KDM2B: variants seen among roughly 807,000 people sequenced by gnomAD.
KDM2B encodes the protein lysine-specific demethylase 2B.
In KDM2B, 26 loss-of-function variants were observed where a neutral mutation model predicts 150.0. That is an observed-to-expected ratio of 0.17 (90% CI 0.13 to 0.24). The LOEUF is 0.24. KDM2B is among the 10% of genes least tolerant of loss of function. The pLI, the probability that KDM2B is intolerant of heterozygous loss-of-function variation, is 1.00. For synonymous variants in KDM2B, 734 were observed against 729.5 expected, an observed-to-expected ratio of 1.01 and a Z score of -0.10; for missense variants, 1,265 against 1,816.9, an observed-to-expected ratio of 0.70 and a Z score of 5.52.
chr12:121,451,115 C>A (rs1277460548), intron 13 of KDM2B, among the ~76,000 whole-genome samples: 5 of 152,018 alleles, frequency 3.3e-5, no homozygotes, highest in African/African-American at 1.2e-4. Flanking sequence ...CTGCCCCCCC[C>A]TTCTACCTCC....
At position 121,442,608 on chromosome 12, in the gene KDM2B, C is replaced by G. The variant is rs1231794304; in HGVS notation, c.2833G>C (p.Glu945Gln). 6.2e-7 allele frequency: 1 copy of G among 1,602,550 alleles called. No homozygotes were observed. The highest frequency in any genetic ancestry group is 8.5e-7 in the Non-Finnish European group (1 of 1,179,548). ...TCCTTGCTCAGCTCCCTGCTCAGCTCCTTGTTGGGAAGCCGCCGCTTCCGG... is the reference window on the plus strand; with the variant it reads ...TCCTTGCTCAGCTCCCTGCTCAGCTGCTTGTTGGGAAGCCGCCGCTTCCGG... ...MRRKRRLPNK[E>Q]LSRELSKELN... The change falls in exon 19 of 23, where the codon GAG (glutamate) becomes CAG (glutamine). Residue 945 changes from glutamate (E) to glutamine (Q), a missense_variant. This residue lies in a region of KDM2B where 418 missense variants were observed against 402.4 expected (regional missense o/e 1.04). Transcript: ENST00000377071. The surrounding 1 kb of genome is among the most constrained non-coding windows in gnomAD (Gnocchi z 7.7).
rs1555295024 is a variant in KDM2B, at chr12:121,467,239, C to A, written c.1735-13895G>T. ...CTCATGGTGGGCCCAGGCTCGCGCG[C>A]GCTGACATGGCTGGAGCGGCGCCGC... On this transcript the variant is annotated intron_variant, in intron 12 of 22. Coordinates refer to ENST00000377071, the MANE Select transcript of KDM2B (RefSeq NM_032590.5). The surrounding 1 kb of genome is among the most constrained non-coding windows in gnomAD (Gnocchi z 5.1). 1 of 1,016,572 alleles carries A rather than the reference C, an allele frequency of 9.8e-7. No homozygotes were observed. The allele number at this position is 1,016,572 out of a possible 1,614,324, so 63.0% of individuals were successfully genotyped here.
intron 6 of KDM2B, among the ~76,000 whole-genome samples, chr12:121,544,213 G>T (rs562760934): frequency 6.6e-6 from 1 of 151,978 alleles, no homozygotes; most frequent in African/African-American, 2.4e-5. Flanking sequence ...GAGGTAGGAG[G>T]AGTCCTGGGA....
chr12:121,537,943 T>A lies in KDM2B; in HGVS notation c.684-3353A>T, dbSNP rs1566392208. On this transcript the variant is annotated intron_variant, in intron 6 of 22. Transcript: ENST00000377071. The surrounding 1 kb of genome is among the most constrained non-coding windows in gnomAD (Gnocchi z 8.7). ...CGGCGGCGGCGGCGGCTCCCGTGCG[T>A]CCCCTTCGGCTCCCGGGCGTCCCCT... Among the ~76,000 whole-genome samples the A allele has an allele frequency of 1.3e-5, 2 of 149,862 alleles. No homozygotes were observed.
In KDM2B at chr12:121,575,680, A is replaced by G; in HGVS notation, c.350+101T>C. On this transcript the variant is annotated intron_variant, in intron 3 of 22. Coordinates refer to ENST00000377071, the MANE Select transcript of KDM2B (RefSeq NM_032590.5). The surrounding 1 kb of genome is among the most constrained non-coding windows in gnomAD (Gnocchi z 4.4). ...CAGATCGTGAAAAAAGATCCTTCTC[A>G]GTGATGAGAGGTGGGAAGAGGGTGG... The G allele has an allele frequency of 1.5e-5, 13 of 847,622 alleles. No homozygotes were observed. The highest frequency in any genetic ancestry group is 2.4e-5 in the Non-Finnish European group (12 of 492,658). The allele number at this position is 847,622 out of a possible 1,614,324, so 52.5% of individuals were successfully genotyped here.
In KDM2B at chr12:121,440,797, C is replaced by A; in HGVS notation, c.3610+19G>T. ...TCGCTCACCCCACCCCCACAGAAAC[C>A]CCCAGCCTGGCAACTCACCTGGCCT... On this transcript the variant is annotated intron_variant, in intron 21 of 22. Transcript: ENST00000377071. The A allele has an allele frequency of 1.3e-6, 2 of 1,593,974 alleles. No individual in the cohort carries two copies. Among genetic ancestry groups the A allele is most frequent in the Non-Finnish European group, 1.7e-6 (2 of 1,169,482 alleles).
At position 121,444,459 on chromosome 12, in the gene KDM2B, C is replaced by T; in HGVS notation, c.2181G>A (p.Lys727=). 6.2e-7 allele frequency: 1 copy of T among 1,614,192 alleles called. No individual in the cohort carries two copies. The highest frequency in any genetic ancestry group is 8.5e-7 in the Non-Finnish European group (1 of 1,180,036). The change falls in exon 15 of 23, where the codon AAG becomes AAA. Residue 727 remains lysine (K), a synonymous_variant. Transcript: ENST00000377071. Reference sequence around the variant, plus strand: ...GGAGCCCGGCACTCACTTTCCCGGTCTTGCCGGCGTGGTTACACTTCGGAC... The same window carrying T: ...GGAGCCCGGCACTCACTTTCCCGGTTTTGCCGGCGTGGTTACACTTCGGAC... ...WECPKCNHAG[K]TGKQKRGPGF... is the part of the protein sequence containing the mutation.
intron 11 of KDM2B, among the ~76,000 whole-genome samples, chr12:121,499,900 G>T (rs1340623721): frequency 1.3e-5 from 2 of 151,918 alleles, no homozygotes; most frequent in African/African-American, 2.4e-5. Flanking sequence ...AGTGAGCCAA[G>T]ATCGCACCAC....
intron 12 of KDM2B, among the ~76,000 whole-genome samples, chr12:121,461,070 G>C (rs1226188734): frequency 3.3e-5 from 5 of 152,198 alleles, no homozygotes; most frequent in African/African-American, 4.8e-5. Flanking sequence ...ACCCAGAAGA[G>C]ATGCCTCATA....
intron 16 of KDM2B, 29 bp downstream of exon 16, chr12:121,443,983 T>C: frequency 6.3e-7 from 1 of 1,577,146 alleles, no homozygotes; most frequent in Non-Finnish European, 8.6e-7. Context: ...GACCAACCCC[T>C]TTGCCTCCCA....
At chr12:121,423,562 G>A in the KDM2B span, 32 of 1,613,304 alleles carry the variant, frequency 2.0e-5, no homozygotes, top group Non-Finnish European at 1.6e-5. The surrounding 1 kb of genome is among the most constrained non-coding windows in gnomAD (Gnocchi z 4.3). Flanking sequence ...AGCCGTGCAC[G>A]TGTTCAAGTC....
rs201309568 is a variant in KDM2B at position 121,580,768 on chromosome 12, C to T, written c.126+18G>A. 460 of 1,611,820 alleles carry T rather than the reference C, an allele frequency of 2.9e-4. No homozygotes were observed. The highest frequency in any genetic ancestry group is 3.8e-4 in the Non-Finnish European group (445 of 1,179,072). ...ACCCCTCTTCCTCTTCTTTCATCCA[C>T]CCCTCCCCCAACATTACCTGTGTGG... On this transcript the variant is annotated intron_variant, in intron 1 of 22. Coordinates refer to ENST00000377071, the MANE Select transcript of KDM2B (RefSeq NM_032590.5).
chr12:121,515,540 C>G (rs1886097097), intron 9 of KDM2B, among the ~76,000 whole-genome samples: 1 of 129,330 alleles, frequency 7.7e-6, no homozygotes, highest in South Asian at 2.7e-4. Context: ...TCACACTTGC[C>G]CACCTCCACT....
At chr12:121,412,139 G>A in the KDM2B span, among the ~76,000 whole-genome samples, 1 of 151,410 alleles carries the variant, frequency 6.6e-6, no homozygotes, top group Non-Finnish European at 1.5e-5. Context: ...TTGGCTCACT[G>A]CAAACTCCGC....
chr12:121,543,187 C>A (rs1888740857), intron 6 of KDM2B, among the ~76,000 whole-genome samples: 1 of 151,784 alleles, frequency 6.6e-6, no homozygotes, highest in African/African-American at 2.4e-5. Context: ...AAACCCCTGT[C>A]TCTACTAAAA....
intron 2 of KDM2B, among the ~76,000 whole-genome samples, chr12:121,578,588 G>C (rs1043249709): frequency 6.6e-5 from 10 of 151,954 alleles, no homozygotes; most frequent in Admixed American, 2.6e-4. Context: ...TGGTGGGCGC[G>C]GGCCGGGCCT....
chr12:121,468,856 T>G lies in KDM2B; in HGVS notation c.1735-15512A>C, dbSNP rs1555295380. ...ACACCCACTATAGAAAAAATCCCAG[T>G]CGACTTGCTCTTTGCCGAAACGTAT... On this transcript the variant is annotated intron_variant, in intron 12 of 22. Coordinates refer to ENST00000377071, the MANE Select transcript of KDM2B (RefSeq NM_032590.5). The surrounding 1 kb of genome is among the most constrained non-coding windows in gnomAD (Gnocchi z 4.0). 6.6e-6 allele frequency: 1 copy of G among 152,210 alleles called. No individual in the cohort carries two copies. The highest frequency in any genetic ancestry group is 2.4e-5 in the African/African-American group (1 of 41,452). The allele number at this position is 152,210 out of a possible 1,614,324, so 9.4% of individuals were successfully genotyped here.
chr12:121,443,951 A>G (rs1875657206), intron 16 of KDM2B, 61 bp downstream of exon 16: 1 of 1,555,306 alleles, frequency 6.4e-7, no homozygotes, highest in African/African-American at 1.4e-5. Context: ...CATCCCTCCA[A>G]CCCAGCACCC....
At chr12:121,410,923 T>A in the KDM2B span, among the ~76,000 whole-genome samples, 3 of 152,134 alleles carry the variant, frequency 2.0e-5, no homozygotes, top group Admixed American at 2.0e-4. Context: ...ACTTTGGAGG[T>A]TGGCTTGGGC....
Sources: allele counts gnomAD v4.1 joint callset (sites outside exome capture counted in the v4.1 genomes callset), GRCh38; gene constraint gnomAD v4.1.1; regional missense constraint gnomAD v4.1.1; non-coding constraint Gnocchi (gnomAD v3.1); transcripts MANE v1.5; gene names NCBI Gene and HGNC (gene_info 2026-07-23, HGNC 2026-07-21).